The following CASD1 variants were observed in gnomAD, a reference collection of about 807,000 sequenced individuals.
CASD1 encodes the protein CAS1 domain sialic acid O acetyltransferase 1.
A neutral mutation model predicts 100.0 loss-of-function variants in CASD1; 41 were observed. That is an observed-to-expected ratio of 0.41 (90% CI 0.32 to 0.53). The LOEUF is 0.53. Ranked by LOEUF, CASD1 falls within the 20% of genes least tolerant of loss-of-function variation. The pLI, the probability that CASD1 is intolerant of heterozygous loss-of-function variation, is 0.25. For synonymous variants in CASD1, 321 were observed against 315.6 expected, an observed-to-expected ratio of 1.02 and a Z score of -0.18; for missense variants, 774 against 948.7, an observed-to-expected ratio of 0.82 and a Z score of 2.42.
the CASD1 span, chr7:94,587,292 A>G: frequency 1.0e-6 from 1 of 990,558 alleles, no homozygotes; most frequent in Non-Finnish European, 1.2e-6. Flanking sequence ...TCATCTACTC[A>G]AGTTTCCTAA....
chr7:94,625,434 T>G, the CASD1 span: 1 of 152,054 alleles, frequency 6.6e-6, no homozygotes, highest in Non-Finnish European at 1.5e-5. Flanking sequence ...ATATAATGAA[T>G]GCACTCACAA....
chr7:94,598,356 G>A, the CASD1 span: 1 of 192,572 alleles, frequency 5.2e-6, no homozygotes, highest in South Asian at 9.3e-5. Context: ...CCTTAATTCT[G>A]AGGCAAAAAT....
the CASD1 span, among the ~76,000 whole-genome samples, chr7:94,574,163 A>C: frequency 6.6e-6 from 1 of 152,196 alleles, no homozygotes; most frequent in Non-Finnish European, 1.5e-5. Context: ...ATCAATATTC[A>C]TCAAGGATAT....
chr7:94,552,544 T>C, intron 16 of CASD1, 117 bp downstream of exon 16: 1 of 681,686 alleles, frequency 1.5e-6, no homozygotes, highest in Non-Finnish European at 2.5e-6. Context: ...ACTTCATCTT[T>C]CTAAGCCCTT....
At chr7:94,590,083 A>C in the CASD1 span, 3 of 152,168 alleles carry the variant, frequency 2.0e-5, no homozygotes, top group African/African-American at 7.2e-5. Flanking sequence ...GAAAGCCACA[A>C]TATATCTCAC....
At chr7:94,582,431 T>G in the CASD1 span, among the ~76,000 whole-genome samples, 9 of 152,316 alleles carry the variant, frequency 5.9e-5, no homozygotes, top group East Asian at 1.5e-3. Flanking sequence ...CCAGCTTTTT[T>G]TCATATGTTT....
At chr7:94,514,679 AC>A (rs1215272755) in intron 1 of CASD1, among the ~76,000 whole-genome samples, 1 of 152,184 alleles carries the variant, frequency 6.6e-6, no homozygotes. Flanking sequence ...GAATGCTTAT[AC>A]TTAAGATAAG....
At chr7:94,601,306 GAA>G in the CASD1 span, among the ~76,000 whole-genome samples, 4 of 145,474 alleles carry the variant, frequency 2.7e-5, no homozygotes, top group African/African-American at 1.0e-4. Flanking sequence ...AAGAAAAAAG[GAA>G]AAAAAAAAGA....
At chr7:94,588,705 G>A in the CASD1 span, 1 of 1,607,816 alleles carries the variant, frequency 6.2e-7, no homozygotes, top group East Asian at 2.2e-5. Context: ...TCTGCTGTTG[G>A]GGAATCTGAG....
chr7:94,533,386 G>T, intron 6 of CASD1, 137 bp downstream of exon 6: 1 of 630,002 alleles, frequency 1.6e-6, no homozygotes, highest in South Asian at 2.9e-5. Context: ...TTAGATTGAT[G>T]AATTTTAATA....
chr7:94,590,400 T>C, the CASD1 span: 2 of 152,206 alleles, frequency 1.3e-5, no homozygotes, highest in African/African-American at 4.8e-5. Context: ...CTGTATATAA[T>C]ATTTAATTGC....
chr7:94,558,434 C>G (rs1310897491), downstream of CASD1, among the ~76,000 whole-genome samples: 1 of 152,082 alleles, frequency 6.6e-6, no homozygotes, highest in Non-Finnish European at 1.5e-5. Flanking sequence ...ATTTTTGGAA[C>G]AGTTGAAAGA....
At chr7:94,546,514 A>T (rs1382785895) in intron 12 of CASD1, among the ~76,000 whole-genome samples, 2 of 152,026 alleles carry the variant, frequency 1.3e-5, no homozygotes, top group Non-Finnish European at 2.9e-5. Flanking sequence ...GTTGAGGTCT[A>T]GCCTCTATTA....
At chr7:94,614,754 T>A in the CASD1 span, among the ~76,000 whole-genome samples, 1 of 152,280 alleles carries the variant, frequency 6.6e-6, no homozygotes, top group Non-Finnish European at 1.5e-5. Context: ...ATTATCTGAT[T>A]ATTTGCCTGC....
Position 94,551,420 on chromosome 7 carries a change from C to T in CASD1, c.1898C>T (p.Pro633Leu). 1 of 1,538,942 alleles carries T rather than the reference C, an allele frequency of 6.5e-7. No homozygotes were observed. Among genetic ancestry groups the T allele is most frequent in the Non-Finnish European group, 8.7e-7 (1 of 1,151,102 alleles). The change falls in exon 15 of 18, where the codon CCT (proline) becomes CTT (leucine). Residue 633 changes from proline to leucine, a missense_variant. By Grantham distance (98) the Pro-to-Leu change is moderately conservative. Around this residue, in one of 5 missense-constraint regions of CASD1, gnomAD observed 175 missense variants for 206.9 expected, o/e 0.85. Coordinates refer to ENST00000297273, the MANE Select transcript of CASD1 (RefSeq NM_022900.5). Reference sequence around the variant, plus strand: ...ATACTTTCTGAAGGAAAGGGTGAACCTCTTTTTTCAAACAAAATTTCAAAT... The same window carrying T: ...ATACTTTCTGAAGGAAAGGGTGAACTTCTTTTTTCAAACAAAATTTCAAAT... ...RQILSEGKGEPLFSNKISNFL... is the reference protein window; with the variant it reads ...RQILSEGKGELLFSNKISNFL...
intron 13 of CASD1, among the ~76,000 whole-genome samples, chr7:94,549,021 T>C (rs145205864): frequency 6.6e-6 from 1 of 151,994 alleles, no homozygotes; most frequent in Non-Finnish European, 1.5e-5. Flanking sequence ...TTCAGAGGAC[T>C]CTTTTAACTC....
chr7:94,630,971 C>T, the CASD1 span, among the ~76,000 whole-genome samples: 71 of 152,004 alleles, frequency 4.7e-4, no homozygotes, highest in Non-Finnish European at 7.7e-4. Flanking sequence ...CCCTGCAGTT[C>T]GGTGGATGGC....
rs149559932 is a variant in CASD1, at chr7:94,551,451, G to A, written c.1929G>A (p.Leu643=). The A allele has an allele frequency of 1.3e-6, 2 of 1,516,174 alleles. No individual in the cohort carries two copies. Among genetic ancestry groups the A allele is most frequent in the African/African-American group, 1.4e-5 (1 of 69,628 alleles). The allele number at this position is 1,516,174 out of a possible 1,614,324, so 93.9% of individuals were successfully genotyped here. ...PLFSNKISNF[L]LFISVVSFLT... is the part of the protein sequence containing the mutation. ...TTTCAAACAAAATTTCAAATTTTCT[G>A]TTGTTTATTTCAGTAGTTTCTTTCT... is the stretch of plus-strand genomic sequence containing the variant. The change falls in exon 15 of 18, where the codon CTG becomes CTA. Residue 643 remains leucine (L), a synonymous_variant. Transcript: ENST00000297273.
In CASD1 at chr7:94,555,704, A is replaced by AT. The variant is rs777757305; in HGVS notation, c.2347dup (p.Cys783LeufsTer12). On this transcript the variant is annotated frameshift_variant, in exon 18 of 18. Transcript: ENST00000297273. LOFTEE classifies it high-confidence loss of function. ...TGAAAAGGTTGGCATGTATAGCTGC[A>AT]TTTTTTTGTGGACTCCTCATCTTAT... 1.2e-6 allele frequency: 2 copies of AT among 1,613,130 alleles called. No homozygotes were observed. The highest frequency in any genetic ancestry group is 1.7e-6 in the Non-Finnish European group (2 of 1,179,528).
Sources: gnomAD v4.1 joint callset for allele counts (sites outside exome capture counted in the v4.1 genomes callset) on GRCh38, gnomAD v4.1.1 for gene constraint, gnomAD v4.1.1 regional missense constraint, MANE v1.5 for transcripts, NCBI Gene and HGNC (gene_info 2026-07-23, HGNC 2026-07-21) for gene names.